ANXA7: variants seen among roughly 807,000 people sequenced by gnomAD.
ANXA7 encodes annexin VII.
A neutral mutation model predicts 64.9 loss-of-function variants in ANXA7; 55 were observed. The ratio of observed to expected loss-of-function variants is 0.85; its 90% CI spans 0.68 to 1.06. The LOEUF (loss-of-function observed/expected upper bound fraction) is 1.06. Among genes scored for constraint, ANXA7 ranks in the 50% least tolerant of loss-of-function variants. The pLI, the probability that ANXA7 is intolerant of heterozygous loss-of-function variation, is 0.00. For synonymous variants in ANXA7, 200 were observed against 192.4 expected (o/e 1.04, Z -0.33); for missense variants, 548 against 582.1 (o/e 0.94, Z 0.60).
At chr10:73,413,944 A>G (rs892779257) in intron 1 of ANXA7, 68 bp downstream of exon 1, 1 of 152,666 alleles carries the variant, frequency 6.6e-6, no homozygotes, top group South Asian at 2.1e-4. Context: ...AGCAGCGCCC[A>G]GAGCTGGCCG....
Position 73,388,406 on chromosome 10 carries a change from T to C in ANXA7, c.444A>G (p.Thr148=), listed in dbSNP as rs2132666195. The C allele has an allele frequency of 1.9e-6, 3 of 1,612,434 alleles. No homozygotes were observed. Among genetic ancestry groups the C allele is most frequent in the African/African-American group, 2.7e-5 (2 of 75,020 alleles). ...TAGTTCCTTGAGTGACCTGAGTCAC[T>C]GTGGCAGGCTGAAAATAAAAGGCAT... is the stretch of plus-strand genomic sequence containing the variant. The part of the protein sequence containing the change: ...GQPTYPSQPA[T]VTQVTQGTIR... Residue 148 remains threonine, a synonymous_variant, in exon 6 of 13, where the codon ACA becomes ACG. Transcript: ENST00000372921.
At chr10:73,409,361 T>C (rs1035552398) in intron 1 of ANXA7, among the ~76,000 whole-genome samples, 18 of 152,188 alleles carry the variant, frequency 1.2e-4, no homozygotes, top group African/African-American at 4.3e-4. Context: ...CACTGCTATA[T>C]ACCAAAAACG....
At chr10:73,388,443 C>T (rs2055415788) in intron 5 of ANXA7, 29 bp from the exon 6 acceptor site, 1 of 1,527,872 alleles carries the variant, frequency 6.5e-7, no homozygotes, top group South Asian at 1.1e-5. Context: ...AAATCCGTGT[C>T]AGCATTTCCA....
At chr10:73,395,800 AAG>A in intron 5 of ANXA7, 6 of 546,914 alleles carry the variant, frequency 1.1e-5, no homozygotes, top group South Asian at 3.4e-5. Flanking sequence ...AAAAAAAAAA[AAG>A]AAGCCATACG....
At chr10:73,389,622 TC>T (rs978690023) in intron 5 of ANXA7, among the ~76,000 whole-genome samples, 6 of 152,296 alleles carry the variant, frequency 3.9e-5, no homozygotes, top group Middle Eastern at 3.4e-3. Context: ...TTCAATAGTT[TC>T]CCCCAATTTT....
intron 6 of ANXA7, 46 bp from the exon 7 acceptor site, chr10:73,387,829 G>A: frequency 7.6e-7 from 1 of 1,313,684 alleles, no homozygotes; most frequent in Non-Finnish European, 1.1e-6. Flanking sequence ...TACATGCTAG[G>A]TGCTGCTTGA....
intron 8 of ANXA7, 74 bp downstream of exon 8, chr10:73,383,503 G>A (rs2055308921): frequency 7.5e-7 from 1 of 1,332,404 alleles, no homozygotes. Flanking sequence ...TGTAAATTCA[G>A]AACTGTCATA....
intron 5 of ANXA7, among the ~76,000 whole-genome samples, chr10:73,390,748 A>G (rs953658302): frequency 7.3e-6 from 1 of 137,556 alleles, no homozygotes; most frequent in African/African-American, 3.2e-5. Context: ...ACACACACAT[A>G]TATATATATT....
At chr10:73,392,952 C>A (rs1376015789) in intron 5 of ANXA7, among the ~76,000 whole-genome samples, 1 of 152,050 alleles carries the variant, frequency 6.6e-6, no homozygotes, top group African/African-American at 2.4e-5. Context: ...TTTAGAAAAC[C>A]CCATTGTCTC....
At chr10:73,377,773 G>GGGGGGGTGTGTGTGT in intron 12 of ANXA7, among the ~76,000 whole-genome samples, 1 of 124,848 alleles carries the variant, frequency 8.0e-6, no homozygotes, top group East Asian at 2.8e-4. Context: ...GGTGGGTGTG[G>GGGGGGGTGTGTGTGT]GTGTGTGTGT....
intron 9 of ANXA7, among the ~76,000 whole-genome samples, chr10:73,382,163 C>T (rs1269544111): frequency 1.3e-5 from 2 of 152,154 alleles, no homozygotes; most frequent in Non-Finnish European, 2.9e-5. Flanking sequence ...CATGAACCAC[C>T]ACACCCAGCC....
chr10:73,404,294 T>C (rs1344938990), intron 1 of ANXA7, among the ~76,000 whole-genome samples: 2 of 152,192 alleles, frequency 1.3e-5, no homozygotes, highest in East Asian at 1.9e-4. Flanking sequence ...ACTGGAAATA[T>C]CTTTTAAAAA....
chr10:73,396,702 T>C (rs923321874), intron 4 of ANXA7, 119 bp from the exon 5 acceptor site: 9 of 582,416 alleles, frequency 1.5e-5, no homozygotes, highest in Admixed American at 3.6e-5. Context: ...ACTATGATAC[T>C]TATGAGGATA....
At chr10:73,399,580 T>C (rs1466140849) in intron 2 of ANXA7, among the ~76,000 whole-genome samples, 1 of 152,088 alleles carries the variant, frequency 6.6e-6, no homozygotes, top group African/African-American at 2.4e-5. Context: ...CCCAGCGCTT[T>C]GGGAGGCCGA....
intron 12 of ANXA7, among the ~76,000 whole-genome samples, chr10:73,378,301 C>T (rs2055218551): frequency 1.3e-5 from 2 of 150,014 alleles, no homozygotes; most frequent in Non-Finnish European, 3.0e-5. Flanking sequence ...TTGCTTGAAC[C>T]CAGGAAGTGG....
intron 12 of ANXA7, among the ~76,000 whole-genome samples, chr10:73,377,249 A>G (rs978259438): frequency 6.6e-6 from 1 of 152,122 alleles, no homozygotes; most frequent in Non-Finnish European, 1.5e-5. Flanking sequence ...TGTTTTCTTT[A>G]AAAATAATCT....
At chr10:73,389,946 T>G (rs1017814057) in intron 5 of ANXA7, among the ~76,000 whole-genome samples, 1 of 152,138 alleles carries the variant, frequency 6.6e-6, no homozygotes, top group East Asian at 1.9e-4. Flanking sequence ...TCTTAGGGTG[T>G]TCAAGTCAGG....
intron 1 of ANXA7, among the ~76,000 whole-genome samples, chr10:73,402,290 G>A (rs192672969): frequency 1.7e-4 from 26 of 152,226 alleles, no homozygotes; most frequent in Admixed American, 7.9e-4. Flanking sequence ...CTGGGCTCAG[G>A]TGATCCTCCC....
intron 3 of ANXA7, 99 bp downstream of exon 3, chr10:73,398,082 G>T: frequency 8.1e-7 from 1 of 1,231,388 alleles, no homozygotes; most frequent in Non-Finnish European, 1.1e-6. Flanking sequence ...AGAGCGACTT[G>T]ACCTTATACA....
Sources: gnomAD v4.1 joint callset for allele counts (sites outside exome capture counted in the v4.1 genomes callset) on GRCh38, gnomAD v4.1.1 for gene constraint, MANE v1.5 for transcripts, NCBI Gene and HGNC (gene_info 2026-07-23, HGNC 2026-07-21) for gene names.